Variants in GPC3 observed in about 807,000 individuals in gnomAD.
The protein encoded by GPC3 is glypican 3.
A neutral mutation model predicts 34.4 loss-of-function variants in GPC3; 3 were observed. That is an observed-to-expected ratio of 0.09 (90% CI 0.04 to 0.23). The LOEUF is 0.23. Ranked by LOEUF, GPC3 falls within the 10% of genes least tolerant of loss-of-function variation. The pLI, the probability that GPC3 is intolerant of heterozygous loss-of-function variation, is 1.00. For missense variants in GPC3, 351 were observed against 445.6 expected (o/e 0.79, Z 1.91); for synonymous variants, 177 against 174.0 (o/e 1.02, Z -0.13).
At chrX:133,835,636 G>A (rs2075796133) in intron 2 of GPC3, among the ~76,000 whole-genome samples, 1 of 111,787 alleles carries the variant, frequency 8.9e-6, no homozygotes, top group South Asian at 3.8e-4. Context: ...AGTAAGATGC[G>A]CATGCTATTT....
intron 4 of GPC3, among the ~76,000 whole-genome samples, chrX:133,695,374 A>C (rs1042836761): frequency 7.1e-5 from 8 of 112,415 alleles, no homozygotes; most frequent in Non-Finnish European, 1.3e-4. Flanking sequence ...TACTAAGAAC[A>C]ATTGAATTAT....
chrX:133,981,868 C>T (rs1243932917), intron 1 of GPC3, among the ~76,000 whole-genome samples: 2 of 112,443 alleles, frequency 1.8e-5, no homozygotes, highest in African/African-American at 6.5e-5. Context: ...TTTACCCATA[C>T]AGGCATTTGG....
At chrX:133,786,195 C>T (rs1228581192) in intron 2 of GPC3, among the ~76,000 whole-genome samples, 1 of 111,897 alleles carries the variant, frequency 8.9e-6, no homozygotes, top group East Asian at 2.8e-4. Context: ...GAGTTCGAGA[C>T]CAGCCTGGCC....
intron 2 of GPC3, among the ~76,000 whole-genome samples, chrX:133,771,077 A>G (rs1236293313): frequency 9.0e-6 from 1 of 111,341 alleles, no homozygotes; most frequent in Non-Finnish European, 1.9e-5. Flanking sequence ...TGCCCCATTT[A>G]TGTCTGCTCT....
intron 6 of GPC3, among the ~76,000 whole-genome samples, chrX:133,618,123 T>C (rs1375375621): frequency 8.9e-6 from 1 of 112,304 alleles, no homozygotes. Context: ...AATTTTGCTA[T>C]GATTAGAAAA....
chrX:133,965,069 T>C (rs774561257), intron 1 of GPC3, among the ~76,000 whole-genome samples: 21 of 111,721 alleles, frequency 1.9e-4, no homozygotes, highest in Non-Finnish European at 3.4e-4. Flanking sequence ...CTTTAAGATT[T>C]CTTCAAACAA....
In GPC3 at chrX:133,774,383, A is replaced by G. The variant is rs767937516; in HGVS notation, c.338-20207T>C. On this transcript the variant is annotated intron_variant, in intron 2 of 7. Transcript: ENST00000370818. ...AGTGTACCCATTTACAATGACATAT[A>G]TAATATATGTAACCCATTTATAATG... Among the ~76,000 whole-genome samples, 4 of 111,770 alleles carry G rather than the reference A, an allele frequency of 3.6e-5. No individual in the cohort carries two copies. The East Asian group carries it at 1.1e-3, about 31-fold the overall frequency.
intron 6 of GPC3, among the ~76,000 whole-genome samples, chrX:133,651,826 A>C (rs1211556679): frequency 8.9e-6 from 1 of 112,338 alleles, no homozygotes; most frequent in Admixed American, 9.4e-5. Flanking sequence ...CAAGTAGATG[A>C]TCAGTTAGCC....
At chrX:133,652,997 T>A (rs1351579824) in intron 6 of GPC3, among the ~76,000 whole-genome samples, 1 of 112,086 alleles carries the variant, frequency 8.9e-6, no homozygotes, top group Non-Finnish European at 1.9e-5. Flanking sequence ...CCATTCACAT[T>A]CTCCCATTTG....
intron 2 of GPC3, among the ~76,000 whole-genome samples, chrX:133,832,179 C>A (rs906033723): frequency 9.0e-6 from 1 of 111,034 alleles, no homozygotes; most frequent in Non-Finnish European, 1.9e-5. Flanking sequence ...ACTCAGGAGG[C>A]TGAGGCAGGA....
intron 2 of GPC3, among the ~76,000 whole-genome samples, chrX:133,757,879 T>C (rs2071743244): frequency 8.9e-6 from 1 of 111,915 alleles, no homozygotes; most frequent in Non-Finnish European, 1.9e-5. Flanking sequence ...GTAAAATTGG[T>C]CATATCACAT....
intron 2 of GPC3, among the ~76,000 whole-genome samples, chrX:133,771,455 C>T: frequency 8.9e-6 from 1 of 112,417 alleles, no homozygotes; most frequent in Non-Finnish European, 1.9e-5. Context: ...TCCCCAATTC[C>T]AGTGCAAAGG....
intron 2 of GPC3, among the ~76,000 whole-genome samples, chrX:133,764,279 T>G (rs933914791): frequency 9.1e-6 from 1 of 110,197 alleles, no homozygotes. Flanking sequence ...GGGGTGGGGG[T>G]TTAAAAATTA....
intron 1 of GPC3, among the ~76,000 whole-genome samples, chrX:133,966,475 G>A (rs1229411769): frequency 8.9e-6 from 1 of 111,986 alleles, no homozygotes; most frequent in Non-Finnish European, 1.9e-5. Flanking sequence ...GCTTCTCCCA[G>A]CTCTAATAGC....
intron 5 of GPC3, among the ~76,000 whole-genome samples, chrX:133,667,123 G>A (rs1253833049): frequency 8.9e-6 from 1 of 111,940 alleles, no homozygotes; most frequent in African/African-American, 3.2e-5. Flanking sequence ...TTTGATATAT[G>A]TACTCATTGT....
chrX:133,749,881 C>T (rs1325452180), intron 3 of GPC3, among the ~76,000 whole-genome samples: 2 of 111,237 alleles, frequency 1.8e-5, no homozygotes, highest in East Asian at 5.7e-4. Flanking sequence ...AGTTCTGCAG[C>T]TCCGACTCCC....
rs1024813110 is a variant in GPC3 at position 133,747,083 on chromosome X, G to C, written c.1032+6399C>G. On this transcript the variant is annotated intron_variant, in intron 3 of 7. Transcript: ENST00000370818. ...CTCAGAAATCCTAGCAAAGGAAATG[G>C]ATGTATTTGGATACGTTAGGTTCTC... Among the ~76,000 whole-genome samples the C allele has an allele frequency of 6.3e-5, 7 of 111,890 alleles. 1 individual carries two copies. Among genetic ancestry groups the C allele is most frequent in the Admixed American group, 9.5e-5 (1 of 10,538 alleles).
chrX:133,559,279 CAGG>C (rs1411346432), intron 7 of GPC3, among the ~76,000 whole-genome samples: 1 of 111,577 alleles, frequency 9.0e-6, no homozygotes, highest in Non-Finnish European at 1.9e-5. Context: ...GCATTGGGGA[CAGG>C]AGAACCCATG....
chrX:133,766,903 C>T (rs914834438), intron 2 of GPC3, among the ~76,000 whole-genome samples: 5 of 112,040 alleles, frequency 4.5e-5, no homozygotes, highest in Non-Finnish European at 7.5e-5. Flanking sequence ...GTGTTTCAAG[C>T]GTTTTATGTG....
Sources: allele counts gnomAD v4.1 joint callset (sites outside exome capture counted in the v4.1 genomes callset), GRCh38; gene constraint gnomAD v4.1.1; transcripts MANE v1.5; gene names NCBI Gene and HGNC (gene_info 2026-07-23, HGNC 2026-07-21).